CHODL: variants seen among roughly 807,000 people sequenced by gnomAD.
CHODL encodes chondrolectin.
In CHODL, 29 loss-of-function variants were observed where a neutral mutation model predicts 34.5. That is an observed-to-expected ratio of 0.84 (90% CI 0.63 to 1.15). The LOEUF (loss-of-function observed/expected upper bound fraction) is 1.15, where lower values mean the gene tolerates loss of function less well. Among genes scored for constraint, CHODL ranks in the 50% most tolerant of loss-of-function variants. The pLI is 0.00. For synonymous variants in CHODL, 125 were observed against 116.1 expected (o/e 1.08, Z -0.49); for missense variants, 332 against 332.5 (o/e 1.00, Z 0.01).
At chr21:18,126,703 A>C (rs2065549523) in intron 2 of CHODL, among the ~76,000 whole-genome samples, 1 of 152,116 alleles carries the variant, frequency 6.6e-6, no homozygotes, top group Middle Eastern at 3.2e-3. Context: ...CCAATTAGTT[A>C]TCTCTTAAAG....
chr21:18,021,286 G>A (rs158047), intron 1 of CHODL, among the ~76,000 whole-genome samples: 5,047 of 152,214 alleles, frequency 0.033, 268 homozygotes, highest in African/African-American at 0.11. Flanking sequence ...GAAAATAAGC[G>A]TGTGTAATTC....
intron 2 of CHODL, among the ~76,000 whole-genome samples, chr21:18,087,382 G>T (rs1379590898): frequency 1.3e-5 from 2 of 152,182 alleles, no homozygotes; most frequent in African/African-American, 2.4e-5. Context: ...TGAGGGTGAG[G>T]TGCAGCCCAG....
intron 2 of CHODL, among the ~76,000 whole-genome samples, chr21:18,193,029 T>C (rs1179350020): frequency 6.6e-6 from 1 of 152,172 alleles, no homozygotes; most frequent in Non-Finnish European, 1.5e-5. Context: ...TAGCAAATTG[T>C]GGTGAGACAT....
intron 2 of CHODL, among the ~76,000 whole-genome samples, chr21:18,231,408 G>A (rs1177507018): frequency 1.3e-5 from 2 of 152,014 alleles, no homozygotes; most frequent in African/African-American, 4.8e-5. Context: ...TGGCACAGCA[G>A]TGCTTCCATC....
At chr21:18,264,557 A>G (rs886692286) in intron 5 of CHODL, among the ~76,000 whole-genome samples, 5 of 148,300 alleles carry the variant, frequency 3.4e-5, no homozygotes, top group African/African-American at 1.3e-4. Context: ...AGCCGAGATC[A>G]GGCCACTGTA....
intron 1 of CHODL, among the ~76,000 whole-genome samples, chr21:17,975,648 T>G (rs905309553): frequency 6.6e-6 from 1 of 152,128 alleles, no homozygotes; most frequent in African/African-American, 2.4e-5. Flanking sequence ...TTCTTAACAG[T>G]ATTCTGCCAG....
chr21:17,999,689 A>T (rs545735551), intron 1 of CHODL, among the ~76,000 whole-genome samples: 1 of 152,198 alleles, frequency 6.6e-6, no homozygotes, highest in African/African-American at 2.4e-5. Context: ...CTATCACGAG[A>T]ATAGCATGGG....
chr21:17,975,185 G>A (rs1166278994), intron 1 of CHODL, among the ~76,000 whole-genome samples: 3 of 152,034 alleles, frequency 2.0e-5, no homozygotes, highest in Non-Finnish European at 4.4e-5. Context: ...GAGGAAGCTG[G>A]AGGCCATTGT....
At chr21:18,186,556 G>A (rs1315013508) in intron 2 of CHODL, among the ~76,000 whole-genome samples, 1 of 152,132 alleles carries the variant, frequency 6.6e-6, no homozygotes, top group East Asian at 1.9e-4. Context: ...AGGATATGGA[G>A]GGGCAAAATA....
intron 1 of CHODL, among the ~76,000 whole-genome samples, chr21:18,247,909 A>G (rs1392130869): frequency 6.6e-6 from 1 of 152,052 alleles, no homozygotes; most frequent in Non-Finnish European, 1.5e-5. Context: ...CATAAGGATA[A>G]ATATGAAGGA....
chr21:17,983,405 T>C (rs1269265684), intron 1 of CHODL, among the ~76,000 whole-genome samples: 1 of 152,202 alleles, frequency 6.6e-6, no homozygotes, highest in Non-Finnish European at 1.5e-5. Flanking sequence ...AAAAATGGTA[T>C]TTTTCTAATT....
At chr21:18,256,006 A>G (rs1398338313) in intron 1 of CHODL, among the ~76,000 whole-genome samples, 1 of 152,164 alleles carries the variant, frequency 6.6e-6, no homozygotes, top group Non-Finnish European at 1.5e-5. Context: ...CAATTTTAAT[A>G]GATTTGTTTC....
Position 17,918,885 on chromosome 21 carries a change from A to G in CHODL, c.-145+1485A>G, listed in dbSNP as rs562342260. On this transcript the variant is annotated intron_variant, in intron 1 of 6. Transcript: ENST00000400127. ...GAATTGGGTAAATGCAGCCATTCCAAATGGGTGAAATTGACCAAAACGAAG... is the reference window on the plus strand; with the variant it reads ...GAATTGGGTAAATGCAGCCATTCCAGATGGGTGAAATTGACCAAAACGAAG... Among the ~76,000 whole-genome samples the G allele has an allele frequency of 2.2e-3, 336 of 152,346 alleles. 2 individuals carry two copies. The highest frequency in any genetic ancestry group is 7.6e-3 in the African/African-American group (317 of 41,570).
intron 2 of CHODL, among the ~76,000 whole-genome samples, chr21:18,194,243 T>C (rs2073553981): frequency 6.6e-6 from 1 of 152,188 alleles, no homozygotes; most frequent in African/African-American, 2.4e-5. Flanking sequence ...TCTCCCCAAA[T>C]TGAGATTCTT....
chr21:18,121,202 A>G (rs2065474939), intron 2 of CHODL, among the ~76,000 whole-genome samples: 1 of 152,120 alleles, frequency 6.6e-6, no homozygotes, highest in African/African-American at 2.4e-5. Context: ...GGGGTGTCCA[A>G]TCTTTTGACT....
At chr21:18,006,897 TC>T (rs1483196820) in intron 1 of CHODL, among the ~76,000 whole-genome samples, 7 of 152,324 alleles carry the variant, frequency 4.6e-5, no homozygotes, top group Middle Eastern at 3.4e-3. Flanking sequence ...GTCTGACACT[TC>T]AGATGTGGCC....
rs191076971 is a variant in CHODL at position 17,923,328 on chromosome 21, C to T, written c.-145+5928C>T. Reference sequence around the variant, plus strand: ...TTATCACCATAAATGCTGACAACTGCCCTATGAGGTAGGTGTAAGCATGGG... The same window carrying T: ...TTATCACCATAAATGCTGACAACTGTCCTATGAGGTAGGTGTAAGCATGGG... On this transcript the variant is annotated intron_variant, in intron 1 of 6. Coordinates refer to the CHODL transcript ENST00000400127. 4.3e-4 allele frequency among the ~76,000 whole-genome samples: 65 copies of T among 151,728 alleles called. 1 individual carries two copies. The East Asian group carries it at 0.01, about 24-fold the overall frequency.
intron 2 of CHODL, among the ~76,000 whole-genome samples, chr21:18,223,095 C>A (rs1209854135): frequency 2.0e-5 from 3 of 152,052 alleles, no homozygotes; most frequent in Non-Finnish European, 4.4e-5. Context: ...TAAAATGATC[C>A]AGTGACTAGG....
intron 1 of CHODL, among the ~76,000 whole-genome samples, chr21:17,986,668 G>A (rs1225588121): frequency 1.3e-5 from 2 of 152,130 alleles, no homozygotes; most frequent in Non-Finnish European, 2.9e-5. Flanking sequence ...ATAATCGTTT[G>A]TGTATATACC....
Sources: gnomAD v4.1 joint callset for allele counts (sites outside exome capture counted in the v4.1 genomes callset) on GRCh38, gnomAD v4.1.1 for gene constraint, MANE v1.5 for transcripts, NCBI Gene and HGNC (gene_info 2026-07-23, HGNC 2026-07-21) for gene names.